Variants in SLC2A12 observed in about 807,000 individuals in gnomAD.
The protein encoded by SLC2A12 is solute carrier family 2 member 12.
A neutral mutation model predicts 41.8 loss-of-function variants in SLC2A12; 23 were observed. The ratio of observed to expected loss-of-function variants is 0.55; its 90% CI spans 0.40 to 0.78. The LOEUF (loss-of-function observed/expected upper bound fraction) is 0.78, where lower values mean the gene tolerates loss of function less well. Among genes scored for constraint, SLC2A12 ranks in the 30% least tolerant of loss-of-function variants. The pLI, the probability that SLC2A12 is intolerant of heterozygous loss-of-function variation, is 0.00. For synonymous variants in SLC2A12, 295 were observed against 285.9 expected, an observed-to-expected ratio of 1.03 and a Z score of -0.32; for missense variants, 654 against 745.6, an observed-to-expected ratio of 0.88 and a Z score of 1.43.
rs1165164380 is a variant in SLC2A12 at position 133,987,646 on chromosome 6, G to GTTTATATATA, written c.*3508_*3509insTATATATAAA. On this transcript the variant is annotated 3_prime_UTR_variant, in exon 5 of 5. Transcript: ENST00000275230. ...ATTTTGTGTGTGTGTGTGTGTGTGT[G>GTTTATATATA]TGTATATATATATATATATATGCAC... The GTTTATATATA allele has an allele frequency of 7.5e-6, 1 of 133,214 alleles. No homozygotes were observed. Among genetic ancestry groups the GTTTATATATA allele is most frequent in the African/African-American group, 2.8e-5 (1 of 36,116 alleles). 8.3% of individuals were successfully genotyped at this position (133,214 alleles called of 1,614,324 possible).
intron 1 of SLC2A12, among the ~76,000 whole-genome samples, chr6:134,046,503 T>A (rs1293940470): frequency 6.6e-6 from 1 of 152,154 alleles, no homozygotes; most frequent in Non-Finnish European, 1.5e-5. Context: ...TTCTACTAAG[T>A]TGTTTAGAAT....
chr6:134,008,959 C>T (rs763424898), intron 2 of SLC2A12: 5 of 152,308 alleles, frequency 3.3e-5, no homozygotes, highest in African/African-American at 7.2e-5. Flanking sequence ...CACCTCGTCA[C>T]CTTTCAAACC....
intron 2 of SLC2A12, among the ~76,000 whole-genome samples, chr6:134,013,344 T>G (rs931997664): frequency 2.0e-5 from 3 of 152,066 alleles, no homozygotes; most frequent in Non-Finnish European, 4.4e-5. Context: ...AAATTGAAAT[T>G]TTTTTATTTA....
chr6:133,994,722 A>G (rs572798257), intron 4 of SLC2A12, among the ~76,000 whole-genome samples: 11 of 152,222 alleles, frequency 7.2e-5, no homozygotes, highest in Non-Finnish European at 1.5e-4. Flanking sequence ...TCCATCTCAA[A>G]CAAACAAACA....
At chr6:134,037,049 T>C (rs1407679255) in intron 1 of SLC2A12, among the ~76,000 whole-genome samples, 1 of 152,042 alleles carries the variant, frequency 6.6e-6, no homozygotes, top group African/African-American at 2.4e-5. Flanking sequence ...TCCAGAATCT[T>C]CTGTGTTCTT....
intron 4 of SLC2A12, among the ~76,000 whole-genome samples, chr6:133,991,646 A>G (rs902033227): frequency 2.0e-5 from 3 of 152,144 alleles, no homozygotes; most frequent in East Asian, 3.8e-4. Context: ...CAATGTGCCT[A>G]TATTTATATC....
chr6:134,013,147 C>T (rs1003100035), intron 2 of SLC2A12, among the ~76,000 whole-genome samples: 1 of 151,938 alleles, frequency 6.6e-6, no homozygotes, highest in Non-Finnish European at 1.5e-5. Context: ...GACCTTAGGC[C>T]GGGCATGGTG....
chr6:134,027,002 T>C (rs1225460022), intron 2 of SLC2A12, among the ~76,000 whole-genome samples: 4 of 152,182 alleles, frequency 2.6e-5, no homozygotes, highest in Admixed American at 2.0e-4. Context: ...GGAGAGGACA[T>C]ATCAGCCATG....
At chr6:134,046,667 C>T (rs942384889) in intron 1 of SLC2A12, among the ~76,000 whole-genome samples, 11 of 151,830 alleles carry the variant, frequency 7.2e-5, no homozygotes, top group Non-Finnish European at 1.3e-4. Flanking sequence ...AAAAATTAGC[C>T]GGGTGTGGTG....
At position 134,006,509 on chromosome 6, in the gene SLC2A12, G is replaced by T. The variant is rs183433838; in HGVS notation, c.1567+303C>A. Among the ~76,000 whole-genome samples, 12 of 152,204 alleles carry T rather than the reference G, an allele frequency of 7.9e-5. No individual in the cohort carries two copies. In the East Asian group the frequency reaches 2.1e-3, roughly 27 times the overall value. ...ATGGGATGATTATATTTTTAAGTGT[G>T]ATAATGACATTGTAGTTATATGTTT... is the stretch of plus-strand genomic sequence containing the variant. On this transcript the variant is annotated intron_variant, in intron 3 of 4. Transcript: ENST00000275230.
In SLC2A12 at chr6:134,029,142, C is replaced by G. The variant is rs1460521421; in HGVS notation, c.683G>C (p.Gly228Ala). Residue 228 changes from glycine to alanine, a missense_variant, in exon 2 of 5, where the codon GGA (glycine) becomes GCA (alanine). By Grantham distance (60) the Gly-to-Ala change is moderately conservative. Transcript: ENST00000275230. Reference sequence around the variant, plus strand: ...AACCTTGCTAGCAGCTCCCTCTTGTCCTTTCATCACCAGAAACCGAGGGCT... The same window carrying G: ...AACCTTGCTAGCAGCTCCCTCTTGTGCTTTCATCACCAGAAACCGAGGGCT... ...PPSPRFLVMK[G>A]QEGAASKVLG... 1 of 1,614,136 alleles carries G rather than the reference C, an allele frequency of 6.2e-7. No homozygotes were observed. Among genetic ancestry groups the G allele is most frequent in the Non-Finnish European group, 8.5e-7 (1 of 1,180,032 alleles).
In SLC2A12 at chr6:134,051,787, C is replaced by A. The variant is rs534467823; in HGVS notation, c.103+591G>T. ...AGAAGGCAGAACCCAGCAAAGCAAG[C>A]GTTTCAGGCTCTGAATAACGCTCAA... On this transcript the variant is annotated intron_variant, in intron 1 of 4. Transcript: ENST00000275230. Among the ~76,000 whole-genome samples, 8 of 152,306 alleles carry A rather than the reference C, an allele frequency of 5.3e-5. No individual in the cohort carries two copies. The South Asian group carries it at 1.4e-3, about 28-fold the overall frequency.
intron 3 of SLC2A12, among the ~76,000 whole-genome samples, chr6:134,006,188 AAAAAC>A (rs1259908000): frequency 4.2e-5 from 6 of 141,424 alleles, no homozygotes; most frequent in South Asian, 2.5e-4. Flanking sequence ...AAAAAAAAAA[AAAAAC>A]AAAAAAAAAA....
chr6:134,024,121 C>A (rs1421582363), intron 2 of SLC2A12, among the ~76,000 whole-genome samples: 3 of 152,350 alleles, frequency 2.0e-5, no homozygotes, highest in African/African-American at 7.2e-5. Flanking sequence ...TTGGCCAGAT[C>A]TCCTCCTACA....
At chr6:133,995,124 G>A (rs553278070) in intron 4 of SLC2A12, among the ~76,000 whole-genome samples, 9 of 152,290 alleles carry the variant, frequency 5.9e-5, no homozygotes, top group African/African-American at 2.2e-4. Flanking sequence ...TATAGACAAC[G>A]CTTTAGAAAA....
intron 2 of SLC2A12, among the ~76,000 whole-genome samples, chr6:134,027,576 CT>C (rs1398775095): frequency 2.0e-5 from 3 of 151,866 alleles, no homozygotes; most frequent in Non-Finnish European, 4.4e-5. Flanking sequence ...TTAAGTCCTC[CT>C]TTTTTTTCTA....
intron 2 of SLC2A12, among the ~76,000 whole-genome samples, chr6:134,010,742 G>T (rs1776869616): frequency 6.6e-6 from 1 of 152,112 alleles, no homozygotes; most frequent in Non-Finnish European, 1.5e-5. Flanking sequence ...GCGTGCTTAT[G>T]GCTACACAGA....
intron 2 of SLC2A12, among the ~76,000 whole-genome samples, chr6:134,020,122 G>C (rs947846138): frequency 1.3e-5 from 2 of 152,104 alleles, no homozygotes; most frequent in Non-Finnish European, 2.9e-5. Context: ...GGGGAACAGG[G>C]GACCAGAAAG....
chr6:134,050,097 C>A (rs1355495901), intron 1 of SLC2A12, among the ~76,000 whole-genome samples: 1 of 152,162 alleles, frequency 6.6e-6, no homozygotes, highest in African/African-American at 2.4e-5. Context: ...TAAATCTCAA[C>A]ACCTTCATAA....
Sources: gnomAD v4.1 joint callset for allele counts (sites outside exome capture counted in the v4.1 genomes callset) on GRCh38, gnomAD v4.1.1 for gene constraint, MANE v1.5 for transcripts, NCBI Gene and HGNC (gene_info 2026-07-23, HGNC 2026-07-21) for gene names.